Variants in CDH2 observed in about 807,000 individuals in gnomAD.
The protein encoded by CDH2 is cadherin-2.
Under a neutral mutation model 92.0 loss-of-function variants are expected in CDH2, and 17 were observed. That is an observed-to-expected ratio of 0.18 (90% CI 0.13 to 0.28). The LOEUF (loss-of-function observed/expected upper bound fraction) is 0.28. Ranked by LOEUF, CDH2 falls within the 10% of genes least tolerant of loss-of-function variation. CDH2 has a pLI of 1.00. For missense variants in CDH2, 862 were observed against 1,133.1 expected (o/e 0.76, Z 3.44); for synonymous variants, 419 against 415.9 (o/e 1.01, Z -0.09).
At chr18:28,152,282 GTCTT>G (rs1406573193) in intron 1 of CDH2, among the ~76,000 whole-genome samples, 14 of 152,322 alleles carry the variant, frequency 9.2e-5, no homozygotes, top group Admixed American at 3.3e-4. Context: ...AAACTCTGTA[GTCTT>G]TCTAAGTACA....
intron 1 of CDH2, among the ~76,000 whole-genome samples, chr18:28,148,250 A>T (rs1197354705): frequency 6.6e-6 from 1 of 152,224 alleles, no homozygotes; most frequent in Non-Finnish European, 1.5e-5. Flanking sequence ...TTTAAAAATA[A>T]AATTATAATA....
intron 2 of CDH2, among the ~76,000 whole-genome samples, chr18:28,114,156 CTAACAA>C (rs1471365369): frequency 1.3e-5 from 2 of 152,046 alleles, no homozygotes; most frequent in Non-Finnish European, 2.9e-5. Context: ...TAGGATGACA[CTAACAA>C]TATTTCATAG....
intron 2 of CDH2, among the ~76,000 whole-genome samples, chr18:28,128,819 C>A (rs1598494465): frequency 6.6e-6 from 1 of 152,156 alleles, no homozygotes. Context: ...AATGAGGCTA[C>A]CTTCCACAGG....
At chr18:28,013,600 G>A (rs2013157338) in intron 3 of CDH2, 83 bp downstream of exon 3, 7 of 934,186 alleles carry the variant, frequency 7.5e-6, no homozygotes, top group Non-Finnish European at 1.2e-5. Context: ...CCATTAATGT[G>A]GTCTGAAGCA....
intron 2 of CDH2, among the ~76,000 whole-genome samples, chr18:28,024,196 C>T (rs1361895654): frequency 6.6e-6 from 1 of 152,104 alleles, no homozygotes; most frequent in Non-Finnish European, 1.5e-5. Context: ...GAAATGTTTA[C>T]TCCATGTGTG....
In CDH2 at chr18:28,151,632, T is replaced by G. The variant is rs768020151; in HGVS notation, c.61-3848A>C. Among the ~76,000 whole-genome samples the G allele has an allele frequency of 1.6e-3, 244 of 152,274 alleles. 2 individuals are homozygous for G. The highest frequency in any genetic ancestry group is 8.1e-4 in the Non-Finnish European group (55 of 68,014). On this transcript the variant is annotated intron_variant, in intron 1 of 15. Coordinates refer to ENST00000269141, the MANE Select transcript of CDH2 (RefSeq NM_001792.5). Reference sequence around the variant, plus strand: ...TCCCAGAAAGCCAAAACCCAGCCCCTGAGGCTTACTCCCACATAAAGTCAT... The same window carrying G: ...TCCCAGAAAGCCAAAACCCAGCCCCGGAGGCTTACTCCCACATAAAGTCAT...
At chr18:28,151,021 G>A (rs1329710581) in intron 1 of CDH2, among the ~76,000 whole-genome samples, 3 of 152,196 alleles carry the variant, frequency 2.0e-5, no homozygotes, top group Non-Finnish European at 4.4e-5. Flanking sequence ...GGCTTACTTT[G>A]CACCAAGCAC....
intron 2 of CDH2, among the ~76,000 whole-genome samples, chr18:28,048,181 T>A (rs1197014333): frequency 6.6e-6 from 1 of 152,160 alleles, no homozygotes; most frequent in African/African-American, 2.4e-5. Context: ...GATGAGGAAA[T>A]TAAGCCTCAC....
intron 2 of CDH2, among the ~76,000 whole-genome samples, chr18:28,145,114 C>A (rs563923451): frequency 3.3e-5 from 5 of 152,038 alleles, no homozygotes; most frequent in African/African-American, 1.2e-4. Flanking sequence ...TACCAATACA[C>A]CAACATATTA....
chr18:28,142,034 T>C (rs2015962284), intron 2 of CDH2, among the ~76,000 whole-genome samples: 1 of 152,054 alleles, frequency 6.6e-6, no homozygotes, highest in South Asian at 2.1e-4. Flanking sequence ...GCTTTATTTT[T>C]CTCCATAGCA....
At chr18:28,157,721 C>T (rs999319293) in intron 1 of CDH2, among the ~76,000 whole-genome samples, 5 of 151,962 alleles carry the variant, frequency 3.3e-5, no homozygotes, top group African/African-American at 1.2e-4. Flanking sequence ...AAATATGATT[C>T]TCGCATACGA....
At chr18:28,059,870 T>C (rs2014366320) in intron 2 of CDH2, among the ~76,000 whole-genome samples, 1 of 152,344 alleles carries the variant, frequency 6.6e-6, no homozygotes, top group Non-Finnish European at 1.5e-5. Context: ...GTATTCTTCA[T>C]CCTCTTTTTC....
intron 2 of CDH2, among the ~76,000 whole-genome samples, chr18:28,028,120 G>C (rs1331940430): frequency 6.6e-6 from 1 of 151,730 alleles, no homozygotes; most frequent in East Asian, 1.9e-4. Context: ...ACTCATAACA[G>C]ACATTTTGCT....
chr18:27,949,974 T>C (rs148322899), downstream of CDH2, among the ~76,000 whole-genome samples: 1 of 152,154 alleles, frequency 6.6e-6, no homozygotes, highest in African/African-American at 2.4e-5. Flanking sequence ...CATTAAGTGT[T>C]ATGATGTGTG....
chr18:28,133,082 T>C (rs1410459730), intron 2 of CDH2, among the ~76,000 whole-genome samples: 2 of 152,218 alleles, frequency 1.3e-5, no homozygotes, highest in African/African-American at 4.8e-5. Flanking sequence ...CTGTCTGATC[T>C]GGTTCCTCAC....
At chr18:28,103,896 AT>A (rs998979189) in intron 2 of CDH2, among the ~76,000 whole-genome samples, 43 of 152,272 alleles carry the variant, frequency 2.8e-4, no homozygotes, top group African/African-American at 9.6e-4. Flanking sequence ...CATAAAAAAA[AT>A]CACCAGAAAT....
At chr18:28,137,502 C>CAAA (rs1324401432) in intron 2 of CDH2, among the ~76,000 whole-genome samples, 4 of 151,916 alleles carry the variant, frequency 2.6e-5, no homozygotes, top group Non-Finnish European at 1.5e-5. Flanking sequence ...AAAGATTTAA[C>CAAA]AATGAACAAT....
At chr18:27,980,794 C>CA (rs777659826) in intron 14 of CDH2, among the ~76,000 whole-genome samples, 9,115 of 74,614 alleles carry the variant, frequency 0.12, 505 homozygotes, top group African/African-American at 0.22. Context: ...TGGCTGGGGT[C>CA]AAAAAAAAAA....
rs17495167 is a variant in CDH2 at position 28,154,640 on chromosome 18, A to C, written c.61-6856T>G. On this transcript the variant is annotated intron_variant, in intron 1 of 15. Coordinates refer to ENST00000269141, the MANE Select transcript of CDH2 (RefSeq NM_001792.5). ...CTCAATGCTGTGAGCTTTAAAGCCGAGTCCACTACTCTTTTCGGTTCCCGT... is the reference window on the plus strand; with the variant it reads ...CTCAATGCTGTGAGCTTTAAAGCCGCGTCCACTACTCTTTTCGGTTCCCGT... Among the ~76,000 whole-genome samples, 196 of 152,280 alleles carry C rather than the reference A, an allele frequency of 1.3e-3. 2 individuals carry two copies. Among genetic ancestry groups the C allele is most frequent in the African/African-American group, 4.4e-3 (184 of 41,560 alleles).
Sources: gnomAD v4.1 joint callset for allele counts (sites outside exome capture counted in the v4.1 genomes callset) on GRCh38, gnomAD v4.1.1 for gene constraint, MANE v1.5 for transcripts, NCBI Gene and HGNC (gene_info 2026-07-23, HGNC 2026-07-21) for gene names.